Variants in CTNNBL1 observed in about 807,000 individuals in gnomAD.
CTNNBL1 encodes catenin beta like 1, also known as beta-catenin-like protein 1.
A neutral mutation model predicts 72.7 loss-of-function variants in CTNNBL1; 31 were observed. The ratio of observed to expected loss-of-function variants is 0.43; its 90% CI spans 0.32 to 0.58. The LOEUF is 0.58. Among genes scored for constraint, CTNNBL1 ranks in the 20% least tolerant of loss-of-function variants. The probability of loss-of-function intolerance (pLI) is 0.08; values close to 1 mark genes in which losing one functional copy is unlikely to be tolerated. For missense variants in CTNNBL1, 534 were observed against 725.1 expected (o/e 0.74, Z 3.03); for synonymous variants, 240 against 267.3 (o/e 0.90, Z 1.00).
chr20:37,822,175 G>C (rs2072113997), intron 11 of CTNNBL1, among the ~76,000 whole-genome samples: 1 of 152,162 alleles, frequency 6.6e-6, no homozygotes, highest in Admixed American at 6.5e-5. Context: ...AGTTTCTAGA[G>C]GCTACCAGGG....
chr20:37,733,226 G>A (rs531994385), intron 2 of CTNNBL1, among the ~76,000 whole-genome samples, 159 bp downstream of exon 2: 64 of 152,220 alleles, frequency 4.2e-4, no homozygotes, highest in Admixed American at 9.8e-4. Context: ...GTGGGCTAGT[G>A]CAGTTGGGAA....
At chr20:37,855,772 G>C (rs920719920) in intron 13 of CTNNBL1, among the ~76,000 whole-genome samples, 2 of 152,142 alleles carry the variant, frequency 1.3e-5, no homozygotes, top group Admixed American at 1.3e-4. Context: ...GACTTCTCTG[G>C]CCAGCCTGTA....
chr20:37,785,148 A>T (rs1444208402), intron 10 of CTNNBL1, among the ~76,000 whole-genome samples: 3 of 152,010 alleles, frequency 2.0e-5, no homozygotes, highest in Non-Finnish European at 2.9e-5. Context: ...TTGGAACTCC[A>T]TTGTATATAT....
intron 13 of CTNNBL1, among the ~76,000 whole-genome samples, chr20:37,851,316 T>G (rs2072395157): frequency 6.6e-6 from 1 of 151,880 alleles, no homozygotes; most frequent in African/African-American, 2.4e-5. Flanking sequence ...AGTATCTCTC[T>G]CTTTTTTTTT....
intron 11 of CTNNBL1, among the ~76,000 whole-genome samples, chr20:37,832,625 T>C (rs764079597): frequency 3.4e-4 from 51 of 152,182 alleles, no homozygotes; most frequent in Non-Finnish European, 6.6e-4. Flanking sequence ...TGTTGGCATG[T>C]CTGGAGCAGA....
chr20:37,788,178 T>C (rs1304448366), intron 10 of CTNNBL1, among the ~76,000 whole-genome samples: 1 of 152,206 alleles, frequency 6.6e-6, no homozygotes, highest in Admixed American at 6.5e-5. Context: ...CTAGCATCCT[T>C]TGCTGCCTCT....
At chr20:37,724,422 G>A (rs1384054776) in intron 1 of CTNNBL1, among the ~76,000 whole-genome samples, 1 of 152,084 alleles carries the variant, frequency 6.6e-6, no homozygotes, top group Non-Finnish European at 1.5e-5. Flanking sequence ...CTTAAGGGGG[G>A]AAGTATTAGA....
chr20:37,703,953 T>A (rs1188222553), intron 1 of CTNNBL1, among the ~76,000 whole-genome samples: 2 of 152,056 alleles, frequency 1.3e-5, no homozygotes, highest in Non-Finnish European at 2.9e-5. Context: ...AATTTTGTAT[T>A]TTTAGTAGAA....
chr20:37,723,974 A>G (rs1363013159), intron 1 of CTNNBL1, among the ~76,000 whole-genome samples: 1 of 152,230 alleles, frequency 6.6e-6, no homozygotes, highest in Admixed American at 6.5e-5. Flanking sequence ...CAGTAAAGTC[A>G]AGGGAAAACT....
intron 4 of CTNNBL1, chr20:37,750,218 T>C (rs1469074597): frequency 6.6e-6 from 1 of 152,236 alleles, no homozygotes; most frequent in Non-Finnish European, 1.5e-5. Context: ...TGGTGAGGGC[T>C]TGTCAGCGCT....
intron 9 of CTNNBL1, 38 bp downstream of exon 9, chr20:37,777,750 C>T: frequency 6.3e-7 from 1 of 1,597,148 alleles, no homozygotes; most frequent in Non-Finnish European, 8.6e-7. Flanking sequence ...CTGTAAGATA[C>T]ATGGTCTGCT....
intron 12 of CTNNBL1, among the ~76,000 whole-genome samples, chr20:37,840,835 C>T (rs979860506): frequency 5.9e-5 from 9 of 151,642 alleles, no homozygotes; most frequent in African/African-American, 2.2e-4. Flanking sequence ...GCTGGGAACA[C>T]AGTTACATGA....
intron 11 of CTNNBL1, among the ~76,000 whole-genome samples, chr20:37,836,778 T>C (rs2072258068): frequency 6.6e-6 from 1 of 152,234 alleles, no homozygotes; most frequent in Admixed American, 6.5e-5. Context: ...GAGTTCTGCC[T>C]CTTCCACCAA....
At chr20:37,776,747 G>A (rs2073577286) in intron 7 of CTNNBL1, among the ~76,000 whole-genome samples, 1 of 151,928 alleles carries the variant, frequency 6.6e-6, no homozygotes, top group South Asian at 2.1e-4. Flanking sequence ...TAGTAATTTG[G>A]GTGTTAAAAT....
chr20:37,733,649 GGT>G (rs1040505635), intron 2 of CTNNBL1, among the ~76,000 whole-genome samples: 1 of 152,118 alleles, frequency 6.6e-6, no homozygotes, highest in Non-Finnish European at 1.5e-5. Context: ...TTGTATGACT[GGT>G]TTCTTCACAT....
intron 15 of CTNNBL1, among the ~76,000 whole-genome samples, chr20:37,864,095 A>G (rs781612445): frequency 7.9e-5 from 12 of 151,986 alleles, no homozygotes; most frequent in Non-Finnish European, 1.3e-4. Context: ...TGAGGTTGAC[A>G]AGGTTGAGAC....
intron 11 of CTNNBL1, among the ~76,000 whole-genome samples, chr20:37,805,296 C>A (rs150117882): frequency 1.3e-5 from 2 of 152,200 alleles, no homozygotes; most frequent in African/African-American, 4.8e-5. Context: ...TTCCTGCCCC[C>A]GGGCTTCCAG....
intron 10 of CTNNBL1, among the ~76,000 whole-genome samples, chr20:37,785,443 C>T (rs2073664328): frequency 6.6e-6 from 1 of 152,070 alleles, no homozygotes; most frequent in Non-Finnish European, 1.5e-5. Context: ...AGGTGTGCTT[C>T]GTTCTTTCTT....
chr20:37,742,762 T>A (rs1202464593), intron 3 of CTNNBL1, among the ~76,000 whole-genome samples: 4 of 152,166 alleles, frequency 2.6e-5, no homozygotes, highest in Non-Finnish European at 4.4e-5. Context: ...TAAACAGGCC[T>A]AAGGACAGAC....
Sources: gnomAD v4.1 joint callset for allele counts (sites outside exome capture counted in the v4.1 genomes callset) on GRCh38, gnomAD v4.1.1 for gene constraint, MANE v1.5 for transcripts, NCBI Gene and HGNC (gene_info 2026-07-23, HGNC 2026-07-21) for gene names.